Variants in ENOX1 observed in about 807,000 individuals in gnomAD.
ENOX1 encodes candidate growth-related and time keeping constitutive hydroquinone (NADH) oxidase.
Under a neutral mutation model 82.5 loss-of-function variants are expected in ENOX1, and 42 were observed. That is an observed-to-expected ratio of 0.51 (90% CI 0.40 to 0.66). The LOEUF is 0.66. Ranked by LOEUF, ENOX1 falls within the 30% of genes least tolerant of loss-of-function variation. The pLI is 0.00. For synonymous variants in ENOX1, 271 were observed against 282.2 expected (o/e 0.96, Z 0.40); for missense variants, 608 against 811.6 (o/e 0.75, Z 3.05).
At chr13:43,435,143 A>G (rs1467034623) in intron 3 of ENOX1, among the ~76,000 whole-genome samples, 1 of 151,926 alleles carries the variant, frequency 6.6e-6, no homozygotes, top group Non-Finnish European at 1.5e-5. Flanking sequence ...TGTTTTCCTT[A>G]TGGTCATTCT....
intron 2 of ENOX1, among the ~76,000 whole-genome samples, chr13:43,605,805 T>C (rs1293301274): frequency 6.6e-6 from 1 of 151,966 alleles, no homozygotes; most frequent in Admixed American, 6.6e-5. Flanking sequence ...AATGAAGAAA[T>C]AGGATCACAT....
chr13:43,775,737 A>AG (rs1951880758), intron 1 of ENOX1, among the ~76,000 whole-genome samples: 1 of 152,024 alleles, frequency 6.6e-6, no homozygotes, highest in Non-Finnish European at 1.5e-5. Context: ...TGAAGCTGCT[A>AG]GGGGGGCCTA....
chr13:43,668,152 G>A (rs1223470100), intron 1 of ENOX1, among the ~76,000 whole-genome samples: 1 of 152,168 alleles, frequency 6.6e-6, no homozygotes, highest in Non-Finnish European at 1.5e-5. Flanking sequence ...TTGTTACTCA[G>A]AGTGTGGTCC....
At chr13:43,299,322 G>C (rs1471987503) in intron 11 of ENOX1, among the ~76,000 whole-genome samples, 1 of 152,126 alleles carries the variant, frequency 6.6e-6, no homozygotes, top group African/African-American at 2.4e-5. Flanking sequence ...AACAAAGATT[G>C]AGGGTAGGGA....
At chr13:43,492,364 T>C (rs2076649695) in intron 2 of ENOX1, among the ~76,000 whole-genome samples, 1 of 152,196 alleles carries the variant, frequency 6.6e-6, no homozygotes, top group African/African-American at 2.4e-5. Flanking sequence ...AGCTAAGGCA[T>C]GCTCAGATTC....
At chr13:43,538,758 C>A (rs940257125) in intron 2 of ENOX1, among the ~76,000 whole-genome samples, 1 of 151,990 alleles carries the variant, frequency 6.6e-6, no homozygotes. Context: ...TAGTTTTAGT[C>A]TCTTCTTTTT....
At chr13:43,329,595 A>C (rs1293130640) in intron 9 of ENOX1, among the ~76,000 whole-genome samples, 1 of 152,204 alleles carries the variant, frequency 6.6e-6, no homozygotes, top group Admixed American at 6.5e-5. Flanking sequence ...GATATGGCCA[A>C]CATTTTCTGG....
At chr13:43,295,435 T>G (rs1354650568) in intron 12 of ENOX1, among the ~76,000 whole-genome samples, 1 of 152,212 alleles carries the variant, frequency 6.6e-6, no homozygotes, top group African/African-American at 2.4e-5. Context: ...ACCCTGCCCA[T>G]AGTGTTTTCT....
chr13:43,214,228 T>C, intron 16 of ENOX1, 107 bp from the exon 17 acceptor site: 1 of 1,130,758 alleles, frequency 8.8e-7, no homozygotes, highest in South Asian at 1.5e-5. Context: ...CATTTAGTTT[T>C]CTACTGGGCT....
intron 2 of ENOX1, among the ~76,000 whole-genome samples, chr13:43,496,133 G>GT (rs989238076): frequency 2.6e-5 from 4 of 151,940 alleles, no homozygotes; most frequent in South Asian, 2.1e-4. Flanking sequence ...TATTAAAAAT[G>GT]TTTTTTTATA....
chr13:43,724,467 C>T (rs978319323), intron 1 of ENOX1, among the ~76,000 whole-genome samples: 1 of 152,184 alleles, frequency 6.6e-6, no homozygotes, highest in African/African-American at 2.4e-5. Flanking sequence ...ACCTATGCAT[C>T]CCTCACTCCT....
At chr13:43,765,908 C>T (rs1951235245) in intron 1 of ENOX1, among the ~76,000 whole-genome samples, 1 of 152,096 alleles carries the variant, frequency 6.6e-6, no homozygotes, top group African/African-American at 2.4e-5. Flanking sequence ...TACAGTCTGC[C>T]TATACTCAAT....
At position 43,406,659 on chromosome 13, in the gene ENOX1, A is replaced by T. The variant is rs1047941064; in HGVS notation, c.208+5257T>A. ...AGGTGCCCGCCACCATGCCCTGCTA[A>T]TTTTTTTGTATTTTTAGTAGAGATG... On this transcript the variant is annotated intron_variant, in intron 5 of 16. Coordinates refer to ENST00000690772, the MANE Select transcript of ENOX1 (RefSeq NM_001347969.2). 5.3e-5 allele frequency among the ~76,000 whole-genome samples: 8 copies of T among 151,632 alleles called. No homozygotes were observed. In the East Asian group the frequency reaches 1.4e-3, roughly 26 times the overall value.
chr13:43,355,507 G>A (rs1337763031), intron 8 of ENOX1, among the ~76,000 whole-genome samples: 3 of 152,186 alleles, frequency 2.0e-5, no homozygotes, highest in African/African-American at 7.2e-5. Flanking sequence ...TATAGAGCTG[G>A]AGGAACACTA....
chr13:43,309,772 C>T (rs951616122), intron 11 of ENOX1, among the ~76,000 whole-genome samples: 1 of 152,170 alleles, frequency 6.6e-6, no homozygotes, highest in Non-Finnish European at 1.5e-5. Flanking sequence ...TTTAAACCCT[C>T]TATATATTGA....
intron 13 of ENOX1, among the ~76,000 whole-genome samples, chr13:43,268,069 C>A (rs916876312): frequency 5.3e-5 from 8 of 152,038 alleles, no homozygotes; most frequent in African/African-American, 1.4e-4. Context: ...AACTCAGAAT[C>A]TATTTTTATG....
At chr13:43,247,840 TATATATATATATATATATATATATATATA>T (rs2043163359) in intron 14 of ENOX1, among the ~76,000 whole-genome samples, 2 of 1,564 alleles carry the variant, frequency 1.3e-3, no homozygotes, top group African/African-American at 2.7e-3. Flanking sequence ...TATATATATA[TATATATATATATATATATATATATATATA>T]TATATATATA....
chr13:43,449,440 T>C (rs1037905307), intron 3 of ENOX1, among the ~76,000 whole-genome samples: 2 of 152,212 alleles, frequency 1.3e-5, no homozygotes, highest in Non-Finnish European at 2.9e-5. Context: ...CTGCAGTTTC[T>C]TTTTAAGGTA....
intron 2 of ENOX1, among the ~76,000 whole-genome samples, chr13:43,600,555 T>C (rs939698850): frequency 1.3e-5 from 2 of 152,166 alleles, no homozygotes; most frequent in Non-Finnish European, 2.9e-5. Context: ...TTTCCAACTC[T>C]AGGCCCTGGC....
Sources: allele counts gnomAD v4.1 joint callset (sites outside exome capture counted in the v4.1 genomes callset), GRCh38; gene constraint gnomAD v4.1.1; transcripts MANE v1.5; gene names NCBI Gene and HGNC (gene_info 2026-07-23, HGNC 2026-07-21).